The following B3GALT1 variants were observed in gnomAD, a reference collection of about 807,000 sequenced individuals.
B3GALT1 encodes UDP-Gal:betaGlcNAc beta 1,3-galactosyltransferase, polypeptide 1.
In B3GALT1, 10 loss-of-function variants were observed where a neutral mutation model predicts 23.2. That is an observed-to-expected ratio of 0.43 (90% confidence interval 0.27 to 0.73). The LOEUF is 0.73. Ranked by LOEUF, B3GALT1 falls within the 30% of genes least tolerant of loss-of-function variation. The probability of loss-of-function intolerance (pLI) is 0.21; values close to 1 mark genes in which losing one functional copy is unlikely to be tolerated. For missense variants in B3GALT1, 299 were observed against 405.4 expected (o/e 0.74, Z 2.25); for synonymous variants, 156 against 141.5 (o/e 1.10, Z -0.73).
rs1389100555 is a variant in B3GALT1, at chr2:167,626,986, A to G, written c.-409-19923A>G. Reference sequence around the variant, plus strand: ...ACAGTGTATGTTTTCACATTTACACAGTGATTTCATTAATATCTGCCTAGA... The same window carrying G: ...ACAGTGTATGTTTTCACATTTACACGGTGATTTCATTAATATCTGCCTAGA... On this transcript the variant is annotated intron_variant, in intron 2 of 4. Coordinates refer to ENST00000392690, the MANE Select transcript of B3GALT1 (RefSeq NM_020981.4). 2.6e-5 allele frequency among the ~76,000 whole-genome samples: 4 copies of G among 151,700 alleles called. No homozygotes were observed. In the South Asian group the frequency reaches 6.2e-4, roughly 24 times the overall value.
At chr2:167,536,928 T>G (rs1683439284) in intron 2 of B3GALT1, among the ~76,000 whole-genome samples, 1 of 152,090 alleles carries the variant, frequency 6.6e-6, no homozygotes. Flanking sequence ...TTTCGGAAGG[T>G]AAACTCCATC....
intron 1 of B3GALT1, among the ~76,000 whole-genome samples, chr2:167,413,179 G>C (rs1698416515): frequency 6.6e-6 from 1 of 151,966 alleles, no homozygotes; most frequent in African/African-American, 2.4e-5. Context: ...CTGCAATAAA[G>C]CTGACAAGGA....
intron 1 of B3GALT1, among the ~76,000 whole-genome samples, chr2:167,350,410 CTT>C (rs201241201): frequency 6.6e-6 from 1 of 152,118 alleles, no homozygotes; most frequent in Admixed American, 6.5e-5. Context: ...TGTTTGTAGT[CTT>C]TTAAGAAAAA....
At chr2:167,600,659 T>G (rs1574161176) in intron 2 of B3GALT1, among the ~76,000 whole-genome samples, 1 of 152,216 alleles carries the variant, frequency 6.6e-6, no homozygotes, top group Admixed American at 6.5e-5. Flanking sequence ...GTGACTGGTT[T>G]CTGTTACTTA....
intron 2 of B3GALT1, among the ~76,000 whole-genome samples, chr2:167,575,549 T>G (rs1380865792): frequency 6.6e-6 from 1 of 151,820 alleles, no homozygotes; most frequent in Non-Finnish European, 1.5e-5. Context: ...CTCACACTCT[T>G]CATACAGTGG....
At chr2:167,422,730 C>T (rs975405735) in intron 1 of B3GALT1, among the ~76,000 whole-genome samples, 1 of 152,084 alleles carries the variant, frequency 6.6e-6, no homozygotes, top group African/African-American at 2.4e-5. Flanking sequence ...AGAGCCAAGA[C>T]TGATGTTCTG....
chr2:167,821,431 CTTTTTTT>C (rs10573752), intron 4 of B3GALT1, among the ~76,000 whole-genome samples: 2 of 108,724 alleles, frequency 1.8e-5, no homozygotes, highest in African/African-American at 3.8e-5. Context: ...AAGGAAGGTA[CTTTTTTT>C]TTTTTTTTTT....
At chr2:167,396,830 A>T (rs1188242944) in intron 1 of B3GALT1, among the ~76,000 whole-genome samples, 1 of 152,014 alleles carries the variant, frequency 6.6e-6, no homozygotes, top group Non-Finnish European at 1.5e-5. Context: ...TCCCTCACAC[A>T]GTTTAGGGAA....
In B3GALT1 at chr2:167,869,153, C is replaced by G. The variant is rs1166050283; in HGVS notation, c.114C>G (p.Phe38Leu). The G allele has an allele frequency of 6.2e-7, 1 of 1,614,176 alleles. No individual in the cohort carries two copies. Among genetic ancestry groups the G allele is most frequent in the Admixed American group, 1.7e-5 (1 of 60,022 alleles). ...CTTCTTACACTGGCTCCAAACCATT[C>G]AGCCACCTAACAGTTGCCAGGAAAA... is the stretch of plus-strand genomic sequence containing the variant. Reference protein sequence around the residue: ...PTSSYTGSKPFSHLTVARKNF... With the variant: ...PTSSYTGSKPLSHLTVARKNF... Residue 38 changes from phenylalanine to leucine, a missense_variant, in exon 5 of 5, where the codon TTC becomes TTG. Coordinates refer to ENST00000392690, the MANE Select transcript of B3GALT1 (RefSeq NM_020981.4). The surrounding 1 kb of genome is among the most constrained non-coding windows in gnomAD (Gnocchi z 6.4).
At chr2:167,405,878 G>A (rs1308706413) in intron 1 of B3GALT1, among the ~76,000 whole-genome samples, 1 of 152,028 alleles carries the variant, frequency 6.6e-6, no homozygotes, top group East Asian at 1.9e-4. Flanking sequence ...ATACTCTAAG[G>A]ACTCAAATAG....
chr2:167,849,992 T>C (rs1265092013), intron 4 of B3GALT1, among the ~76,000 whole-genome samples: 2 of 151,882 alleles, frequency 1.3e-5, no homozygotes, highest in Non-Finnish European at 2.9e-5. Flanking sequence ...AGGCAAGGAT[T>C]TCATAACCAA....
intron 1 of B3GALT1, among the ~76,000 whole-genome samples, chr2:167,309,395 T>G (rs1696601442): frequency 6.6e-6 from 1 of 152,056 alleles, no homozygotes; most frequent in Non-Finnish European, 1.5e-5. Context: ...ATACAAAAGA[T>G]AGAAACTTAG....
chr2:167,628,672 A>G (rs942119895), intron 2 of B3GALT1, among the ~76,000 whole-genome samples: 52 of 151,886 alleles, frequency 3.4e-4, no homozygotes, highest in African/African-American at 1.2e-3. Context: ...TGTCTCTAAT[A>G]TCACTGAACT....
chr2:167,316,232 G>C (rs1696715721), intron 1 of B3GALT1, among the ~76,000 whole-genome samples: 1 of 151,168 alleles, frequency 6.6e-6, no homozygotes. Flanking sequence ...GCACGCCTAA[G>C]ATATGAAAAT....
intron 3 of B3GALT1, among the ~76,000 whole-genome samples, chr2:167,772,347 T>C (rs1378962201): frequency 6.6e-6 from 1 of 152,204 alleles, no homozygotes; most frequent in African/African-American, 2.4e-5. Context: ...TTGTGTATTA[T>C]CTAATTTAGT....
rs1449057606 is a variant in B3GALT1 at position 167,855,918 on chromosome 2, A to T, written c.-229-12893A>T. ...CTGTTCAGAACTTACTAAAGAAATG[A>T]CTATTAAAATGTCATTTCTTTAATA... is the stretch of plus-strand genomic sequence containing the variant. On this transcript the variant is annotated intron_variant, in intron 4 of 4. Coordinates refer to ENST00000392690, the MANE Select transcript of B3GALT1 (RefSeq NM_020981.4). Among the ~76,000 whole-genome samples, 3 of 152,130 alleles carry T rather than the reference A, an allele frequency of 2.0e-5. No homozygotes were observed. In the East Asian group the frequency reaches 5.8e-4, roughly 29 times the overall value.
At chr2:167,405,145 T>G (rs1698253606) in intron 1 of B3GALT1, among the ~76,000 whole-genome samples, 1 of 152,158 alleles carries the variant, frequency 6.6e-6, no homozygotes, top group Admixed American at 6.6e-5. Context: ...ACAATAGTTT[T>G]TACATAATAA....
intron 3 of B3GALT1, among the ~76,000 whole-genome samples, chr2:167,685,120 G>A (rs1446397149): frequency 3.3e-5 from 5 of 152,182 alleles, no homozygotes; most frequent in Non-Finnish European, 4.4e-5. Flanking sequence ...GTAAAATGAT[G>A]CTGCAAATGT....
chr2:167,815,644 G>T, intron 3 of B3GALT1, among the ~76,000 whole-genome samples: 1 of 152,008 alleles, frequency 6.6e-6, no homozygotes, highest in East Asian at 1.9e-4. Context: ...CTCATAAGTC[G>T]GTATACAGAA....
Sources: gnomAD v4.1 joint callset for allele counts (sites outside exome capture counted in the v4.1 genomes callset) on GRCh38, gnomAD v4.1.1 for gene constraint, Gnocchi (gnomAD v3.1) non-coding constraint, MANE v1.5 for transcripts, NCBI Gene and HGNC (gene_info 2026-07-23, HGNC 2026-07-21) for gene names.